The following CCDC175 variants were observed in gnomAD, a reference collection of about 807,000 sequenced individuals.
The protein encoded by CCDC175 is coiled-coil domain-containing protein 175.
CCDC175 carries 100 observed loss-of-function variants against 114.6 expected under a neutral mutation model. The ratio of observed to expected loss-of-function variants is 0.87; its 90% confidence interval spans 0.74 to 1.03. The LOEUF (loss-of-function observed/expected upper bound fraction) is 1.03, where lower values mean the gene tolerates loss of function less well. CCDC175 is among the 50% of genes least tolerant of loss of function. The probability of loss-of-function intolerance (pLI) is 0.00; values close to 1 mark genes in which losing one functional copy is unlikely to be tolerated. For synonymous variants in CCDC175, 306 were observed against 308.7 expected (o/e 0.99, Z 0.09); for missense variants, 880 against 917.8 (o/e 0.96, Z 0.53).
At chr14:59,517,361 C>A (rs1036120903) in intron 17 of CCDC175, among the ~76,000 whole-genome samples, 1 of 152,086 alleles carries the variant, frequency 6.6e-6, no homozygotes, top group Non-Finnish European at 1.5e-5. Context: ...ATTCAATTAG[C>A]AAAAGAGGAA....
chr14:59,537,750 G>A (rs1894489361), intron 13 of CCDC175, among the ~76,000 whole-genome samples: 1 of 152,004 alleles, frequency 6.6e-6, no homozygotes, highest in Admixed American at 6.6e-5. Flanking sequence ...GCTCCAAATG[G>A]CTTCCTACAC....
At chr14:59,567,104 T>C (rs1896596541) in intron 4 of CCDC175, among the ~76,000 whole-genome samples, 1 of 152,214 alleles carries the variant, frequency 6.6e-6, no homozygotes, top group Non-Finnish European at 1.5e-5. Flanking sequence ...TCTATAGGAA[T>C]GTGATGTTGC....
intron 17 of CCDC175, 60 bp downstream of exon 17, chr14:59,521,514 C>T: frequency 4.6e-6 from 4 of 873,752 alleles, no homozygotes; most frequent in Non-Finnish European, 7.2e-6. Flanking sequence ...ATACATATAT[C>T]CTATTAGTTC....
At chr14:59,512,378 C>G (rs1221266315) in intron 17 of CCDC175, among the ~76,000 whole-genome samples, 10 of 152,194 alleles carry the variant, frequency 6.6e-5, no homozygotes, top group Admixed American at 6.5e-4. Context: ...TGACCATCTT[C>G]CCGCCCCATA....
chr14:59,535,116 T>C (rs576604760), intron 13 of CCDC175, among the ~76,000 whole-genome samples: 5 of 152,328 alleles, frequency 3.3e-5, no homozygotes, highest in African/African-American at 1.2e-4. Flanking sequence ...GGGATTACAA[T>C]GTGCCTGAGG....
At chr14:59,535,574 C>T (rs537192824) in intron 13 of CCDC175, among the ~76,000 whole-genome samples, 1 of 152,184 alleles carries the variant, frequency 6.6e-6, no homozygotes, top group Non-Finnish European at 1.5e-5. Flanking sequence ...TCATTTCTAA[C>T]TTGGGTTATT....
At chr14:59,574,921 G>T (rs1347679709) in intron 2 of CCDC175, 22 bp downstream of exon 2, 2 of 1,241,318 alleles carry the variant, frequency 1.6e-6, no homozygotes, top group Admixed American at 2.4e-5. Flanking sequence ...TGAAGAAATG[G>T]TTCTTATAGA....
At chr14:59,552,637 A>G (rs1895595450) in intron 7 of CCDC175, among the ~76,000 whole-genome samples, 1 of 152,232 alleles carries the variant, frequency 6.6e-6, no homozygotes, top group African/African-American at 2.4e-5. Flanking sequence ...ACAAGTTGAG[A>G]GAAGAAGGCC....
At chr14:59,524,494 C>T (rs1341023782) in intron 16 of CCDC175, among the ~76,000 whole-genome samples, 1 of 152,202 alleles carries the variant, frequency 6.6e-6, no homozygotes, top group Non-Finnish European at 1.5e-5. Flanking sequence ...AGAATAGGTG[C>T]TTCAACAGTG....
At chr14:59,534,001 A>G (rs948065164) in intron 13 of CCDC175, among the ~76,000 whole-genome samples, 2 of 151,724 alleles carry the variant, frequency 1.3e-5, no homozygotes, top group Non-Finnish European at 2.9e-5. Flanking sequence ...AAAAAAAAAA[A>G]AAAAAGAAAC....
At chr14:59,533,037 G>A (rs1894160389) in intron 13 of CCDC175, among the ~76,000 whole-genome samples, 1 of 152,182 alleles carries the variant, frequency 6.6e-6, no homozygotes, top group African/African-American at 2.4e-5. Flanking sequence ...CTTCCTTATT[G>A]GGAGGTGTCT....
chr14:59,508,164 G>A (rs1476618946), intron 19 of CCDC175, among the ~76,000 whole-genome samples: 5 of 152,040 alleles, frequency 3.3e-5, no homozygotes, highest in African/African-American at 1.2e-4. Context: ...ACAGAGGGCT[G>A]TGTAAAGTTC....
chr14:59,509,834 T>C (rs535719872), intron 19 of CCDC175, among the ~76,000 whole-genome samples: 12 of 152,356 alleles, frequency 7.9e-5, no homozygotes, highest in South Asian at 6.2e-4. Flanking sequence ...CCCATTTTAC[T>C]TTCTACATCC....
At chr14:59,523,030 T>C (rs1160576716) in intron 16 of CCDC175, among the ~76,000 whole-genome samples, 1 of 152,186 alleles carries the variant, frequency 6.6e-6, no homozygotes, top group Non-Finnish European at 1.5e-5. Context: ...CACAGAGTCA[T>C]TCGGTGACTA....
intron 8 of CCDC175, 110 bp downstream of exon 8, chr14:59,551,245 G>T (rs1895457618): frequency 1.1e-5 from 6 of 553,178 alleles, no homozygotes; most frequent in Admixed American, 8.0e-5. Flanking sequence ...CATATTATTG[G>T]TCAATGAAAA....
intron 16 of CCDC175, among the ~76,000 whole-genome samples, chr14:59,523,391 T>C (rs1893535248): frequency 6.6e-6 from 1 of 152,198 alleles, no homozygotes; most frequent in African/African-American, 2.4e-5. Flanking sequence ...TGAAAAAAAT[T>C]ACCCAGCGAG....
Position 59,568,275 on chromosome 14 carries a change from G to C in CCDC175, c.461C>G (p.Thr154Ser). Residue 154 changes from threonine (T) to serine (S), a missense_variant, in exon 4 of 20, where the codon ACT becomes AGT. By Grantham distance (58) the Thr-to-Ser change is moderately conservative. Coordinates refer to ENST00000537690, the MANE Select transcript of CCDC175 (RefSeq NM_001164399.2). The stretch of plus-strand genomic sequence containing the variant: ...AGCTTCATTATATTTTGTCAGGTCA[G>C]TTATTTTCTTCTTCAGAAGCTCTAT... ...NEIELLKKKI[T>S]DLTKYNEALG... 3 of 1,532,212 alleles carry C rather than the reference G, an allele frequency of 2.0e-6. No individual in the cohort carries two copies. The allele number at this position is 1,532,212 out of a possible 1,614,324, so 94.9% of individuals were successfully genotyped here.
chr14:59,525,742 C>T (rs1956363), intron 15 of CCDC175, among the ~76,000 whole-genome samples: 68,513 of 151,968 alleles, frequency 0.45, 16,384 homozygotes, highest in African/African-American at 0.61. Flanking sequence ...GAATAGAATA[C>T]ATTCACAAAA....
At chr14:59,527,232 A>C in intron 14 of CCDC175, 58 bp from the exon 15 acceptor site, 1 of 898,122 alleles carries the variant, frequency 1.1e-6, no homozygotes. Context: ...AATATTAATC[A>C]AAGAAGTACC....
Sources: allele counts gnomAD v4.1 joint callset (sites outside exome capture counted in the v4.1 genomes callset), GRCh38; gene constraint gnomAD v4.1.1; transcripts MANE v1.5; gene names NCBI Gene and HGNC (gene_info 2026-07-23, HGNC 2026-07-21).